The following HEATR4 variants were observed in gnomAD, a reference collection of about 807,000 sequenced individuals.
HEATR4 encodes the protein HEAT repeat-containing protein 4.
In HEATR4, 95 loss-of-function variants were observed where a neutral mutation model predicts 108.8. The observed-to-expected ratio is 0.87, with a 90% CI of 0.74 to 1.04. The LOEUF (loss-of-function observed/expected upper bound fraction) is 1.04. Among genes scored for constraint, HEATR4 ranks in the 50% least tolerant of loss-of-function variants. HEATR4 has a pLI of 0.00. For missense variants in HEATR4, 1,152 were observed against 1,253.8 expected, an observed-to-expected ratio of 0.92 and a Z score of 1.23; for synonymous variants, 443 against 459.4, an observed-to-expected ratio of 0.96 and a Z score of 0.46.
the HEATR4 span, among the ~76,000 whole-genome samples, chr14:73,570,443 C>T: frequency 6.6e-6 from 1 of 151,888 alleles, no homozygotes; most frequent in Admixed American, 6.6e-5. Flanking sequence ...GTAGCGGGCG[C>T]CTGTAGTCCC....
At chr14:73,609,391 C>T in the HEATR4 span, among the ~76,000 whole-genome samples, 1 of 152,076 alleles carries the variant, frequency 6.6e-6, no homozygotes, top group Non-Finnish European at 1.5e-5. Context: ...TGCATATCAC[C>T]CCTGGGTACA....
At chr14:73,575,423 C>T in the HEATR4 span, 9 of 1,360,318 alleles carry the variant, frequency 6.6e-6, no homozygotes, top group Middle Eastern at 2.6e-4. Context: ...GGGCTCATGC[C>T]ATGGCTCAGG....
the HEATR4 span, chr14:73,569,920 C>T: frequency 3.2e-6 from 5 of 1,581,478 alleles, no homozygotes; most frequent in East Asian, 1.1e-4. Context: ...TGTTCGTTCG[C>T]CTTTCACTTT....
chr14:73,551,395 A>C (rs1415438464), intron 1 of HEATR4, among the ~76,000 whole-genome samples: 1 of 114,848 alleles, frequency 8.7e-6, no homozygotes, highest in Admixed American at 9.9e-5. Flanking sequence ...GAAAATTCGC[A>C]GTTGGTGCCA....
At chr14:73,545,254 C>T (rs1366877213) in intron 1 of HEATR4, among the ~76,000 whole-genome samples, 1 of 112,132 alleles carries the variant, frequency 8.9e-6, no homozygotes, top group Non-Finnish European at 1.9e-5. Flanking sequence ...CAGATGGGGT[C>T]TCCCAATGTT....
Position 73,509,866 on chromosome 14 carries a change from ATATT to A in HEATR4, c.1559-397_1559-394del, listed in dbSNP as rs1566832354. 5.8e-4 allele frequency among the ~76,000 whole-genome samples: 39 copies of A among 67,502 alleles called. 3 individuals carry two copies. Among genetic ancestry groups the A allele is most frequent in the African/African-American group, 8.8e-4 (14 of 15,958 alleles). The allele number at this position is 67,502 out of a possible 152,430, so 44.3% of individuals were successfully genotyped here. On this transcript the variant is annotated intron_variant, in intron 7 of 17. Transcript: ENST00000553558. ...TATATATATATATATATATATATAT[ATATT>A]TATTTATTTTATATATTTTTTGAGA... is the stretch of plus-strand genomic sequence containing the variant.
chr14:73,591,145 G>C, the HEATR4 span, among the ~76,000 whole-genome samples: 1 of 152,086 alleles, frequency 6.6e-6, no homozygotes, highest in Non-Finnish European at 1.5e-5. Flanking sequence ...TACTCCGAAG[G>C]CTGAGACAGG....
intron 7 of HEATR4, 94 bp from the exon 8 acceptor site, chr14:73,509,567 T>C: frequency 7.8e-7 from 1 of 1,288,696 alleles, no homozygotes; most frequent in Non-Finnish European, 1.1e-6. Context: ...CCAACCTCAG[T>C]CCCAGCTGCA....
At chr14:73,537,923 C>T (rs1888929851) in intron 1 of HEATR4, 2 of 1,143,078 alleles carry the variant, frequency 1.7e-6, no homozygotes, top group African/African-American at 1.7e-5. Flanking sequence ...ATCCCTGTTC[C>T]TGCGCTTTCC....
At chr14:73,584,716 C>T in the HEATR4 span, among the ~76,000 whole-genome samples, 1 of 146,822 alleles carries the variant, frequency 6.8e-6, no homozygotes, top group South Asian at 2.3e-4. Flanking sequence ...AGGCTTCATT[C>T]TAAACTACAG....
At chr14:73,606,451 G>T in the HEATR4 span, among the ~76,000 whole-genome samples, 1 of 151,882 alleles carries the variant, frequency 6.6e-6, no homozygotes, top group African/African-American at 2.4e-5. Flanking sequence ...TAAAACTCCA[G>T]TCTCCCACAC....
At chr14:73,484,827 C>G (rs1336323236) in intron 17 of HEATR4, among the ~76,000 whole-genome samples, 1 of 148,566 alleles carries the variant, frequency 6.7e-6, no homozygotes, top group Admixed American at 6.7e-5. Context: ...CACACACACA[C>G]ACACAGACAC....
At chr14:73,490,976 GC>G (rs1885671533) in intron 17 of HEATR4, 4 of 1,316,452 alleles carry the variant, frequency 3.0e-6, no homozygotes, top group Non-Finnish European at 2.9e-6. Context: ...CTTTAGCTTC[GC>G]CCCCGGCCGG....
the HEATR4 span, chr14:73,594,985 A>G: frequency 1.3e-6 from 2 of 1,579,428 alleles, no homozygotes; most frequent in African/African-American, 1.3e-5. Flanking sequence ...GATTACAGGC[A>G]TGAGCCACCG....
At chr14:73,573,281 G>A in the HEATR4 span, 2 of 1,502,320 alleles carry the variant, frequency 1.3e-6, no homozygotes, top group Non-Finnish European at 1.9e-6. Flanking sequence ...TAGATACCTA[G>A]GAGTGGGATT....
chr14:73,619,932 T>TC, the HEATR4 span: 1 of 1,381,928 alleles, frequency 7.2e-7, no homozygotes, highest in East Asian at 2.4e-5. Flanking sequence ...TTTTTTTTTT[T>TC]TTCCTGTATC....
chr14:73,585,260 G>A, the HEATR4 span, among the ~76,000 whole-genome samples: 6 of 152,240 alleles, frequency 3.9e-5, no homozygotes, highest in South Asian at 6.2e-4. Context: ...CCTAGGTCAG[G>A]GCAAGGTCAC....
chr14:73,572,639 AT>A, the HEATR4 span, among the ~76,000 whole-genome samples: 1,234 of 107,008 alleles, frequency 0.012, 29 homozygotes, highest in African/African-American at 0.035. Flanking sequence ...AGGTGTTTGC[AT>A]TTTTTTTTTT....
intron 1 of HEATR4, among the ~76,000 whole-genome samples, chr14:73,552,867 CCCTACACCTCT>C (rs368067992): frequency 0.053 from 5,677 of 106,356 alleles, 945 homozygotes; most frequent in African/African-American, 0.17. Flanking sequence ...GGCCCCTGAC[CCCTACACCTCT>C]TGGGTGCCAC....
Sources: gnomAD v4.1 joint callset for allele counts (sites outside exome capture counted in the v4.1 genomes callset) on GRCh38, gnomAD v4.1.1 for gene constraint, MANE v1.5 for transcripts, NCBI Gene and HGNC (gene_info 2026-07-23, HGNC 2026-07-21) for gene names.